TAFA5: variants seen among roughly 807,000 people sequenced by gnomAD.
The protein encoded by TAFA5 is TAFA chemokine like family member 5, also known as chemokine-like protein TAFA-5.
In TAFA5, 6 loss-of-function variants were observed where a neutral mutation model predicts 15.3. The observed-to-expected ratio is 0.39, with a 90% CI of 0.21 to 0.77. The LOEUF is 0.77. Among genes scored for constraint, TAFA5 ranks in the 30% least tolerant of loss-of-function variants. The pLI is 0.41. For synonymous variants in TAFA5, 103 were observed against 80.7 expected (o/e 1.28, Z -1.48); for missense variants, 161 against 193.1 (o/e 0.83, Z 0.98).
chr22:48,735,104 G>A (rs1348940020), intron 3 of TAFA5, among the ~76,000 whole-genome samples: 3 of 152,166 alleles, frequency 2.0e-5, no homozygotes, highest in African/African-American at 4.8e-5. Context: ...CTGCCCATGG[G>A]CTGCAGACTG....
At chr22:48,581,399 G>A (rs910469476) in intron 1 of TAFA5, among the ~76,000 whole-genome samples, 1 of 152,234 alleles carries the variant, frequency 6.6e-6, no homozygotes, top group Admixed American at 6.5e-5. Flanking sequence ...CTTGCCGCCG[G>A]CATCTGTGGA....
chr22:48,526,442 G>C (rs1366401797), intron 1 of TAFA5, among the ~76,000 whole-genome samples: 1 of 152,254 alleles, frequency 6.6e-6, no homozygotes, highest in African/African-American at 2.4e-5. Flanking sequence ...AGACACATCT[G>C]AATACTGGCC....
chr22:48,539,077 G>C (rs972027130), intron 1 of TAFA5: 1 of 248,184 alleles, frequency 4.0e-6, no homozygotes, highest in Non-Finnish European at 8.1e-6. Context: ...GCACTGGCTC[G>C]GTCTTCCAGC....
chr22:48,529,035 G>A (rs1569168710), intron 1 of TAFA5, among the ~76,000 whole-genome samples: 1 of 152,216 alleles, frequency 6.6e-6, no homozygotes, highest in Non-Finnish European at 1.5e-5. Context: ...TGCCCTTGAG[G>A]GCACTAGAAC....
chr22:48,584,503 CCA>C (rs372447681), intron 1 of TAFA5, among the ~76,000 whole-genome samples: 42,369 of 147,938 alleles, frequency 0.29, 7,098 homozygotes, highest in Non-Finnish European at 0.38. Context: ...ACAAAATACA[CCA>C]CACACACACA....
chr22:48,651,564 C>A (rs574139735), intron 2 of TAFA5, among the ~76,000 whole-genome samples: 1 of 152,302 alleles, frequency 6.6e-6, no homozygotes, highest in African/African-American at 2.4e-5. Flanking sequence ...AGAGTCTTTG[C>A]TTCTCTGTGG....
At chr22:48,509,313 T>C (rs577007286) in intron 1 of TAFA5, among the ~76,000 whole-genome samples, 1 of 152,286 alleles carries the variant, frequency 6.6e-6, no homozygotes, top group South Asian at 2.1e-4. Context: ...TCCTTTCCTT[T>C]GGATAAATAC....
chr22:48,575,909 C>T (rs1340953493), intron 1 of TAFA5, among the ~76,000 whole-genome samples: 4 of 143,238 alleles, frequency 2.8e-5, no homozygotes, highest in Non-Finnish European at 4.6e-5. Flanking sequence ...GCCCCCTGAG[C>T]CCCGGGCCGG....
chr22:48,493,652 C>CA (rs1928229967), intron 1 of TAFA5, among the ~76,000 whole-genome samples: 2 of 152,074 alleles, frequency 1.3e-5, no homozygotes, highest in African/African-American at 4.8e-5. Context: ...ATTTGGGGCA[C>CA]AAGAAGATGG....
chr22:48,695,693 G>C (rs914033065), intron 2 of TAFA5, among the ~76,000 whole-genome samples: 7 of 152,160 alleles, frequency 4.6e-5, no homozygotes, highest in Admixed American at 4.6e-4. Flanking sequence ...TGGTTCTCAG[G>C]TTTGGGGGTG....
chr22:48,670,132 A>G (rs5771705), intron 2 of TAFA5, among the ~76,000 whole-genome samples: 58,015 of 152,024 alleles, frequency 0.38, 12,883 homozygotes, highest in African/African-American at 0.61. Context: ...CTCTCAGAGG[A>G]CAGCTCTCCG....
At chr22:48,719,758 C>T (rs1364938705) in intron 3 of TAFA5, among the ~76,000 whole-genome samples, 1 of 152,186 alleles carries the variant, frequency 6.6e-6, no homozygotes, top group Non-Finnish European at 1.5e-5. Context: ...ATCCATTTTG[C>T]GTTCTTTTGA....
chr22:48,570,023 C>T (rs1272413045), intron 1 of TAFA5, among the ~76,000 whole-genome samples: 2 of 152,252 alleles, frequency 1.3e-5, no homozygotes, highest in East Asian at 1.9e-4. Context: ...GACATGCTCA[C>T]GTGCAGATCA....
intron 1 of TAFA5, chr22:48,576,690 G>T (rs1028567215): frequency 1.7e-6 from 2 of 1,159,968 alleles, no homozygotes; most frequent in South Asian, 4.3e-5. Context: ...GAGGCTCGTG[G>T]AGCGCCACTG....
chr22:48,548,253 G>A (rs1372493809), intron 1 of TAFA5, among the ~76,000 whole-genome samples: 1 of 152,212 alleles, frequency 6.6e-6, no homozygotes. Context: ...GTGTAGCGAG[G>A]AGGATGGCTG....
rs976610621 is a variant in TAFA5 at position 48,593,657 on chromosome 22, C to T, written c.113-52940C>T. ...TTCATTTTGCAGCTCCTGTTGGGCG[C>T]CTTCTCACCGCGCGCTCGGGTGCAG... On this transcript the variant is annotated intron_variant, in intron 1 of 3. Coordinates refer to ENST00000402357, the MANE Select transcript of TAFA5 (RefSeq NM_001082967.3). Among the ~76,000 whole-genome samples the T allele has an allele frequency of 1.2e-4, 18 of 152,306 alleles. No homozygotes were observed. The South Asian group carries it at 2.5e-3, about 21-fold the overall frequency.
chr22:48,672,348 G>C (rs928855828), intron 2 of TAFA5, among the ~76,000 whole-genome samples: 3 of 152,220 alleles, frequency 2.0e-5, no homozygotes, highest in Non-Finnish European at 4.4e-5. Flanking sequence ...AATTTGGACA[G>C]TAGAGAAAAT....
At chr22:48,740,276 G>A (rs980772882) in intron 3 of TAFA5, among the ~76,000 whole-genome samples, 5 of 152,192 alleles carry the variant, frequency 3.3e-5, no homozygotes, top group African/African-American at 1.2e-4. Flanking sequence ...GGCAGGGCAG[G>A]AGGTGGCTGC....
chr22:48,655,932 C>G (rs891439061), intron 2 of TAFA5, among the ~76,000 whole-genome samples: 15 of 150,310 alleles, frequency 1.0e-4, no homozygotes, highest in African/African-American at 3.7e-4. Flanking sequence ...CTCCGCCTCC[C>G]AGGTTCAAGC....
Sources: allele counts gnomAD v4.1 joint callset (sites outside exome capture counted in the v4.1 genomes callset), GRCh38; gene constraint gnomAD v4.1.1; transcripts MANE v1.5; gene names NCBI Gene and HGNC (gene_info 2026-07-23, HGNC 2026-07-21).